The following GPHN variants were observed in gnomAD, a reference collection of about 807,000 sequenced individuals.
GPHN encodes the protein gephyrin.
GPHN carries 17 observed loss-of-function variants against 95.5 expected under a neutral mutation model. The observed-to-expected ratio is 0.18, with a 90% CI of 0.12 to 0.27. The LOEUF is 0.27. Ranked by LOEUF, GPHN falls within the 10% of genes least tolerant of loss-of-function variation. GPHN has a pLI of 1.00. For missense variants in GPHN, 660 were observed against 978.1 expected (o/e 0.67, Z 4.34); for synonymous variants, 320 against 322.5 (o/e 0.99, Z 0.08).
At position 66,760,838 on chromosome 14, in the gene GPHN, G is replaced by T. The variant is rs901585927; in HGVS notation, c.144-15626G>T. On this transcript the variant is annotated intron_variant, in intron 2 of 22. Transcript: ENST00000478722. ...AGAGTTGAAGAGATCAAGCAGAAAT[G>T]CCAAGCGAAATTTATAATGAACAGA... 1.0e-5 allele frequency: 6 copies of T among 574,974 alleles called. No homozygotes were observed. The Admixed American group carries it at 1.1e-4, about 10-fold the overall frequency. The allele number at this position is 574,974 out of a possible 1,614,324, so 35.6% of individuals were successfully genotyped here.
chr14:67,573,087 A>G, the GPHN span, among the ~76,000 whole-genome samples: 1 of 152,120 alleles, frequency 6.6e-6, no homozygotes, highest in South Asian at 2.1e-4. This position sits in a 1 kb window ranked among gnomAD's most constrained non-coding sequence, Gnocchi z 4.8. Flanking sequence ...AGGACCACCC[A>G]TGTTTTATTT....
At chr14:67,606,008 C>CTT in the GPHN span, among the ~76,000 whole-genome samples, 1 of 152,116 alleles carries the variant, frequency 6.6e-6, no homozygotes, top group Non-Finnish European at 1.5e-5. Flanking sequence ...ATTTTGTATA[C>CTT]TTTTTCTCAT....
intron 9 of GPHN, among the ~76,000 whole-genome samples, chr14:67,017,294 T>C (rs1344040889): frequency 1.3e-5 from 2 of 152,134 alleles, no homozygotes; most frequent in African/African-American, 4.8e-5. Flanking sequence ...TCTAGAACAA[T>C]TATCCATTTG....
chr14:66,774,602 C>T (rs1012813603), intron 2 of GPHN, among the ~76,000 whole-genome samples: 2 of 151,942 alleles, frequency 1.3e-5, no homozygotes, highest in Non-Finnish European at 2.9e-5. Flanking sequence ...TCTTGTATTC[C>T]ACTTATATTG....
intron 10 of GPHN, among the ~76,000 whole-genome samples, chr14:67,047,132 G>A (rs1477836833): frequency 6.6e-6 from 1 of 152,046 alleles, no homozygotes; most frequent in Non-Finnish European, 1.5e-5. Context: ...GATATTTGCA[G>A]TATATCCAAA....
the GPHN span, among the ~76,000 whole-genome samples, chr14:67,476,359 G>C: frequency 1.3e-5 from 2 of 152,188 alleles, no homozygotes; most frequent in Non-Finnish European, 2.9e-5. Context: ...GGCTGAGGCG[G>C]GTGGATCACC....
At chr14:66,665,666 T>A (rs2065909243) in intron 1 of GPHN, among the ~76,000 whole-genome samples, 1 of 152,190 alleles carries the variant, frequency 6.6e-6, no homozygotes, top group Admixed American at 6.5e-5. Context: ...TGTAGACTAG[T>A]TCAACCATTG....
the GPHN span, among the ~76,000 whole-genome samples, chr14:67,731,207 CTTTTTTTTT>C: frequency 3.5e-4 from 32 of 90,610 alleles, no homozygotes; most frequent in African/African-American, 1.4e-3. Flanking sequence ...TTCTTTCTTT[CTTTTTTTTT>C]TTTTTTTTTT....
intron 9 of GPHN, among the ~76,000 whole-genome samples, chr14:67,015,318 A>G (rs1245829069): frequency 6.6e-6 from 1 of 152,188 alleles, no homozygotes; most frequent in African/African-American, 2.4e-5. Context: ...ACATTTAAGA[A>G]TGGTCACCTG....
At chr14:66,723,352 TA>T (rs2070935866) in intron 2 of GPHN, among the ~76,000 whole-genome samples, 1 of 151,104 alleles carries the variant, frequency 6.6e-6, no homozygotes, top group Non-Finnish European at 1.5e-5. Flanking sequence ...TATAAAAGGT[TA>T]ACCTTTTGGT....
Position 66,820,521 on chromosome 14 carries a change from C to T in GPHN, c.202-3953C>T, listed in dbSNP as rs150289168. 5.9e-5 allele frequency among the ~76,000 whole-genome samples: 9 copies of T among 152,228 alleles called. No individual in the cohort carries two copies. The East Asian group carries it at 1.7e-3, about 29-fold the overall frequency. ...TTTCCATTTCAGTGTGCCTTCGTTT[C>T]TAGAATCTTCATCTTGAATGCCATG... is the stretch of plus-strand genomic sequence containing the variant. On this transcript the variant is annotated intron_variant, in intron 3 of 22. Transcript: ENST00000478722.
chr14:67,046,116 A>G (rs1373597552), intron 10 of GPHN, among the ~76,000 whole-genome samples: 1 of 151,610 alleles, frequency 6.6e-6, no homozygotes, highest in East Asian at 1.9e-4. Flanking sequence ...TCATTTTTAT[A>G]TTTAGTATAT....
chr14:67,524,094 G>C, the GPHN span, among the ~76,000 whole-genome samples: 1 of 152,152 alleles, frequency 6.6e-6, no homozygotes, highest in Admixed American at 6.5e-5. Flanking sequence ...CCCTGTAGTT[G>C]TTTAATGGGA....
the GPHN span, among the ~76,000 whole-genome samples, chr14:67,701,525 G>T: frequency 1.4e-5 from 2 of 144,746 alleles, no homozygotes; most frequent in South Asian, 4.4e-4. Flanking sequence ...CCAGGTTCAA[G>T]TGATTCTCCC....
chr14:67,130,386 T>G (rs1177149111), intron 17 of GPHN, among the ~76,000 whole-genome samples: 1 of 152,234 alleles, frequency 6.6e-6, no homozygotes, highest in Non-Finnish European at 1.5e-5. Flanking sequence ...TTTCTGTTCC[T>G]GCATTAATTC....
chr14:67,678,875 G>C, the GPHN span, among the ~76,000 whole-genome samples: 3 of 152,050 alleles, frequency 2.0e-5, no homozygotes, highest in South Asian at 4.2e-4. Context: ...TGGACTCCTT[G>C]AAGTTATACT....
At chr14:67,058,841 AT>A in intron 11 of GPHN, 55 bp downstream of exon 11, 1 of 1,456,380 alleles carries the variant, frequency 6.9e-7, no homozygotes, top group South Asian at 1.1e-5. Context: ...TCCAAATAAG[AT>A]TCATGTAACA....
chr14:66,728,414 C>T (rs950936035), intron 2 of GPHN, among the ~76,000 whole-genome samples: 2 of 152,180 alleles, frequency 1.3e-5, no homozygotes, highest in Non-Finnish European at 2.9e-5. Flanking sequence ...ATACTGTGCA[C>T]CTGGAAAAGC....
At chr14:67,373,843 G>T in the GPHN span, among the ~76,000 whole-genome samples, 3 of 55,612 alleles carry the variant, frequency 5.4e-5, no homozygotes, top group Non-Finnish European at 8.1e-5. Flanking sequence ...AATTTGTTCA[G>T]TGTGTGTGTG....
Sources: gnomAD v4.1 joint callset for allele counts (sites outside exome capture counted in the v4.1 genomes callset) on GRCh38, gnomAD v4.1.1 for gene constraint, Gnocchi (gnomAD v3.1) non-coding constraint, MANE v1.5 for transcripts, NCBI Gene and HGNC (gene_info 2026-07-23, HGNC 2026-07-21) for gene names.